RFX6: variants seen among roughly 807,000 people sequenced by gnomAD.
RFX6 encodes DNA-binding protein RFX6.
Under a neutral mutation model 110.8 loss-of-function variants are expected in RFX6, and 50 were observed. The ratio of observed to expected loss-of-function variants is 0.45; its 90% CI spans 0.36 to 0.57. RFX6 has a LOEUF of 0.57. Among genes scored for constraint, RFX6 ranks in the 20% least tolerant of loss-of-function variants. The pLI is 0.00. For synonymous variants in RFX6, 383 were observed against 411.2 expected (o/e 0.93, Z 0.83); for missense variants, 990 against 1,127.0 (o/e 0.88, Z 1.74).
At chr6:116,881,950 A>G (rs769302633) in intron 3 of RFX6, among the ~76,000 whole-genome samples, 3 of 152,152 alleles carry the variant, frequency 2.0e-5, no homozygotes, top group Non-Finnish European at 4.4e-5. Flanking sequence ...ATAACATTAT[A>G]ATGGAGATAC....
intron 6 of RFX6, among the ~76,000 whole-genome samples, chr6:116,906,566 G>A (rs372586611): frequency 3.3e-5 from 5 of 152,012 alleles, no homozygotes; most frequent in Admixed American, 1.3e-4. Flanking sequence ...TATTGTACAA[G>A]TCTTTCACTT....
At chr6:116,919,947 A>C (rs1775555546) in intron 11 of RFX6, among the ~76,000 whole-genome samples, 1 of 152,200 alleles carries the variant, frequency 6.6e-6, no homozygotes, top group Non-Finnish European at 1.5e-5. Flanking sequence ...AACATTTAAA[A>C]ATTCTTATTT....
intron 7 of RFX6, among the ~76,000 whole-genome samples, chr6:116,912,610 G>A (rs192696587): frequency 8.5e-5 from 13 of 152,252 alleles, no homozygotes; most frequent in African/African-American, 2.9e-4. Flanking sequence ...GTCTTCTGAG[G>A]GAGGGTATTA....
intron 6 of RFX6, among the ~76,000 whole-genome samples, chr6:116,909,318 T>C (rs1775280160): frequency 6.6e-6 from 1 of 152,172 alleles, no homozygotes; most frequent in African/African-American, 2.4e-5. Flanking sequence ...TGCAAACCTT[T>C]CTAAAATTAA....
In RFX6 at chr6:116,910,959, C is replaced by T; in HGVS notation, c.697C>T (p.Leu233Phe). 1 of 1,613,486 alleles carries T rather than the reference C, an allele frequency of 6.2e-7. No individual in the cohort carries two copies. Among genetic ancestry groups the T allele is most frequent in the Non-Finnish European group, 8.5e-7 (1 of 1,179,510 alleles). ...NEGGFTRKYS[L>F]SSKTGTLLPE... ...GGGTGGCTTCACTCGTAAATATTCG[C>T]TTAGCTCAAAAACTGGAACACTTCT... Residue 233 changes from leucine to phenylalanine, a missense_variant, in exon 7 of 19, where the codon CTT becomes TTT. Physicochemically the swap from Leu to Phe is conservative, Grantham distance 22. This residue lies in a region of RFX6 where 243 missense variants were observed against 353.1 expected (regional missense o/e 0.69). Coordinates refer to ENST00000332958, the MANE Select transcript of RFX6 (RefSeq NM_173560.4).
intron 4 of RFX6, among the ~76,000 whole-genome samples, chr6:116,883,167 C>T (rs995768383): frequency 1.6e-4 from 25 of 152,156 alleles, no homozygotes; most frequent in African/African-American, 4.6e-4. Flanking sequence ...GCTTCCCTTA[C>T]CACTGATCAC....
chr6:116,917,771 C>T (rs192706154), intron 9 of RFX6, among the ~76,000 whole-genome samples: 11 of 152,170 alleles, frequency 7.2e-5, no homozygotes, highest in South Asian at 6.2e-4. Flanking sequence ...CATCATAAAA[C>T]GGTATATGAT....
intron 6 of RFX6, among the ~76,000 whole-genome samples, chr6:116,905,849 T>G (rs1775190029): frequency 1.3e-5 from 2 of 152,304 alleles, no homozygotes; most frequent in South Asian, 4.1e-4. Context: ...AGAACTATTT[T>G]TTTTATGAAG....
intron 16 of RFX6, among the ~76,000 whole-genome samples, chr6:116,926,379 G>C (rs892268412): frequency 1.3e-5 from 2 of 152,168 alleles, no homozygotes; most frequent in African/African-American, 4.8e-5. Context: ...GGTTCTCTTT[G>C]TGTCAACATG....
intron 11 of RFX6, 109 bp downstream of exon 11, chr6:116,919,405 A>T (rs1775544494): frequency 1.0e-6 from 1 of 987,950 alleles, no homozygotes; most frequent in East Asian, 2.4e-5. Context: ...TAAGTAGACA[A>T]CAACTAAATG....
At position 116,927,074 on chromosome 6, in the gene RFX6, A is replaced by G. The variant is rs1463448671; in HGVS notation, c.1933A>G (p.Ile645Val). Residue 645 changes from isoleucine (I) to valine (V), a missense_variant, in exon 17 of 19, where the codon ATT becomes GTT. Ile to Val is a conservative substitution (Grantham distance 29). This residue lies in a region of RFX6 where 438 missense variants were observed against 441.9 expected (regional missense o/e 0.99). Coordinates refer to ENST00000332958, the MANE Select transcript of RFX6 (RefSeq NM_173560.4). ...QIAGHLMTPP[I>V]SPAMASRGSV... ...TGCTGGTCATCTGATGACACCACCC[A>G]TTTCTCCAGCCATGGCAAGCCGAGG... 6.2e-7 allele frequency: 1 copy of G among 1,614,084 alleles called. No individual in the cohort carries two copies. The highest frequency in any genetic ancestry group is 1.7e-5 in the Admixed American group (1 of 60,016).
chr6:116,880,117 T>C (rs1774555405), intron 2 of RFX6, among the ~76,000 whole-genome samples: 1 of 152,040 alleles, frequency 6.6e-6, no homozygotes. Flanking sequence ...AAATAGGTTT[T>C]GAATGAAAGT....
At chr6:116,882,511 G>C in intron 4 of RFX6, 83 bp downstream of exon 4, 2 of 968,572 alleles carry the variant, frequency 2.1e-6, no homozygotes, top group Non-Finnish European at 3.3e-6. Context: ...GTCTTTGTCA[G>C]TACAAAGAGA....
chr6:116,904,855 T>C (rs1278239718), intron 6 of RFX6, among the ~76,000 whole-genome samples: 1 of 152,212 alleles, frequency 6.6e-6, no homozygotes, highest in Non-Finnish European at 1.5e-5. Context: ...CATCATTCCC[T>C]TTTAAGGATG....
chr6:116,919,299 A>G lies in RFX6; in HGVS notation c.1182+3A>G. ...CATCTTTCTTACATCTTGCCCAGGT[A>G]TGTTGGTTGCTAAGTCGAGAGCATT... On this transcript the variant is annotated splice_donor_region_variant and intron_variant, in intron 11 of 18. Coordinates refer to ENST00000332958, the MANE Select transcript of RFX6 (RefSeq NM_173560.4). 6.2e-7 allele frequency: 1 copy of G among 1,612,826 alleles called. No homozygotes were observed. Among genetic ancestry groups the G allele is most frequent in the Non-Finnish European group, 8.5e-7 (1 of 1,178,930 alleles).
At chr6:116,896,041 T>G (rs1360813617) in intron 6 of RFX6, among the ~76,000 whole-genome samples, 2 of 152,234 alleles carry the variant, frequency 1.3e-5, no homozygotes, top group Non-Finnish European at 2.9e-5. Context: ...CAGATTGCTC[T>G]TTTTATCAAT....
At chr6:116,915,153 T>TA (rs1775436067) in intron 7 of RFX6, among the ~76,000 whole-genome samples, 1 of 152,246 alleles carries the variant, frequency 6.6e-6, no homozygotes, top group Non-Finnish European at 1.5e-5. Context: ...GTGGCCAGAA[T>TA]ATTATCTAGT....
At chr6:116,894,146 A>T in intron 5 of RFX6, 82 bp downstream of exon 5, 2 of 842,510 alleles carry the variant, frequency 2.4e-6, no homozygotes, top group South Asian at 2.7e-5. Flanking sequence ...TGATTTCTTA[A>T]TTTTGCTTAT....
chr6:116,931,608 T>C lies in RFX6; in HGVS notation c.*102T>C, dbSNP rs922877893. ...CCATAAGAGTAAATAAAAATGAATA[T>C]GCAGTGGCTGACATTGTTTTAAAGT... On this transcript the variant is annotated 3_prime_UTR_variant, in exon 19 of 19. Coordinates refer to ENST00000332958, the MANE Select transcript of RFX6 (RefSeq NM_173560.4). 8.1e-6 allele frequency: 7 copies of C among 859,266 alleles called. No homozygotes were observed. Among genetic ancestry groups the C allele is most frequent in the East Asian group, 5.3e-5 (2 of 37,730 alleles). The allele number at this position is 859,266 out of a possible 1,614,324, so 53.2% of individuals were successfully genotyped here.
Sources: allele counts gnomAD v4.1 joint callset (sites outside exome capture counted in the v4.1 genomes callset), GRCh38; gene constraint gnomAD v4.1.1; regional missense constraint gnomAD v4.1.1; transcripts MANE v1.5; gene names NCBI Gene and HGNC (gene_info 2026-07-23, HGNC 2026-07-21).